TRPM8: variants seen among roughly 807,000 people sequenced by gnomAD.
TRPM8 encodes the protein transient receptor potential cation channel subfamily M member 8.
In TRPM8, 110 loss-of-function variants were observed where a neutral mutation model predicts 133.7. The ratio of observed to expected loss-of-function variants is 0.82; its 90% confidence interval spans 0.70 to 0.96. The LOEUF is 0.96. TRPM8 is among the 40% of genes least tolerant of loss of function. TRPM8 has a pLI of 0.00. For missense variants in TRPM8, 1,291 were observed against 1,379.5 expected (o/e 0.94, Z 1.02); for synonymous variants, 535 against 532.3 (o/e 1.01, Z -0.07).
At chr2:233,998,699 G>T (rs533353765) in intron 22 of TRPM8, among the ~76,000 whole-genome samples, 7 of 152,188 alleles carry the variant, frequency 4.6e-5, no homozygotes, top group Non-Finnish European at 5.9e-5. Flanking sequence ...CATCCAGTTA[G>T]GGTGAGCCGC....
intron 17 of TRPM8, among the ~76,000 whole-genome samples, chr2:233,971,324 A>C (rs562630996): frequency 6.6e-6 from 1 of 152,188 alleles, no homozygotes; most frequent in Non-Finnish European, 1.5e-5. Context: ...GTTTCATGCC[A>C]ACTCTGACAG....
chr2:233,945,810 T>G (rs1691026399), intron 6 of TRPM8, 46 bp from the exon 7 acceptor site: 1 of 1,537,118 alleles, frequency 6.5e-7, no homozygotes, highest in Non-Finnish European at 8.9e-7. Context: ...TCATGTATCT[T>G]GACTGATAAT....
intron 1 of TRPM8, among the ~76,000 whole-genome samples, chr2:233,925,708 T>C (rs1691500621): frequency 6.6e-6 from 1 of 152,018 alleles, no homozygotes; most frequent in African/African-American, 2.4e-5. Context: ...AGGAGGGGAC[T>C]CAGGGAGACA....
At chr2:233,964,180 T>A (rs144575516) in intron 13 of TRPM8, among the ~76,000 whole-genome samples, 2 of 152,292 alleles carry the variant, frequency 1.3e-5, no homozygotes, top group East Asian at 3.9e-4. Context: ...CCCATAAAAT[T>A]GATTCTACTA....
intron 19 of TRPM8, 59 bp downstream of exon 19, chr2:233,981,974 A>G (rs1692021205): frequency 6.6e-7 from 1 of 1,524,706 alleles, no homozygotes; most frequent in Non-Finnish European, 8.8e-7. Flanking sequence ...AGTTCTTTTA[A>G]TGGTCGATAG....
At chr2:233,970,968 T>G (rs1691699220) in intron 17 of TRPM8, among the ~76,000 whole-genome samples, 1 of 152,188 alleles carries the variant, frequency 6.6e-6, no homozygotes, top group Non-Finnish European at 1.5e-5. Flanking sequence ...AACCCAGAAG[T>G]CTAGCTCAGG....
intron 3 of TRPM8, chr2:233,933,680 A>G (rs1032089607): frequency 6.6e-6 from 1 of 152,524 alleles, no homozygotes; most frequent in Non-Finnish European, 1.5e-5. Flanking sequence ...CTTAGCAGGG[A>G]AAAGGGCCCA....
chr2:233,955,921 A>G (rs1691284173), intron 11 of TRPM8, among the ~76,000 whole-genome samples: 1 of 152,120 alleles, frequency 6.6e-6, no homozygotes, highest in Non-Finnish European at 1.5e-5. Context: ...TAGGAGCGTG[A>G]ACCCTGTTGT....
intron 11 of TRPM8, chr2:233,955,538 G>A (rs1242023931): frequency 4.3e-6 from 1 of 234,192 alleles, no homozygotes; most frequent in African/African-American, 2.3e-5. Context: ...TCTGGGTGTA[G>A]AGATGCAGAT....
In TRPM8 at chr2:233,996,614, G is replaced by A. The variant is rs1158699796; in HGVS notation, c.3130+98G>A. 3.6e-6 allele frequency: 4 copies of A among 1,118,770 alleles called. No individual in the cohort carries two copies. In the African/African-American group the frequency reaches 4.6e-5, roughly 13 times the overall value. 69.3% of individuals were successfully genotyped at this position (1,118,770 alleles called of 1,614,324 possible). On this transcript the variant is annotated intron_variant, in intron 22 of 25. Coordinates refer to ENST00000324695, the MANE Select transcript of TRPM8 (RefSeq NM_024080.5). ...TCTCAACAGGAAGGAATTATTCACA[G>A]ATCTTTCACTGTTCACATCTGTACA...
chr2:233,955,559 A>C, intron 11 of TRPM8: 1 of 215,262 alleles, frequency 4.6e-6, no homozygotes, highest in Non-Finnish European at 9.3e-6. Context: ...CTCCTTCTGG[A>C]TGTGTGTGGG....
chr2:233,967,692 G>C (rs1691609589), intron 15 of TRPM8, among the ~76,000 whole-genome samples: 1 of 152,200 alleles, frequency 6.6e-6, no homozygotes, highest in African/African-American at 2.4e-5. Flanking sequence ...GACTAAATGA[G>C]AGCATTGATC....
At position 233,970,306 on chromosome 2, in the gene TRPM8, C is replaced by T; in HGVS notation, c.2235C>T (p.Tyr745=). ...TCTTCTCCTGGAATGTGGTCTTCTA[C>T]ATCGCCTTCCTCCTGCTGTTTGCCT... The part of the protein sequence containing the change: ...FVVFSWNVVF[Y]IAFLLLFAYV... The change falls in exon 17 of 26, where the codon TAC becomes TAT. Residue 745 remains tyrosine (Y), a synonymous_variant. Coordinates refer to ENST00000324695, the MANE Select transcript of TRPM8 (RefSeq NM_024080.5). 1 of 1,614,228 alleles carries T rather than the reference C, an allele frequency of 6.2e-7. No individual in the cohort carries two copies. The highest frequency in any genetic ancestry group is 8.5e-7 in the Non-Finnish European group (1 of 1,180,040).
intron 12 of TRPM8, among the ~76,000 whole-genome samples, chr2:233,962,213 G>T (rs1340366279): frequency 6.6e-6 from 1 of 152,178 alleles, no homozygotes; most frequent in African/African-American, 2.4e-5. Flanking sequence ...CTCATTTTAA[G>T]TATAGGAAGG....
intron 8 of TRPM8, among the ~76,000 whole-genome samples, chr2:233,949,028 T>C (rs1216353443): frequency 6.6e-6 from 1 of 152,096 alleles, no homozygotes; most frequent in East Asian, 1.9e-4. Context: ...AGCAAGACTT[T>C]GTCTCAAAAA....
intron 13 of TRPM8, 77 bp from the exon 14 acceptor site, chr2:233,964,551 C>CAAAA (rs34817253): frequency 6.1e-4 from 349 of 571,508 alleles, no homozygotes; most frequent in Middle Eastern, 1.7e-3. Context: ...GACTCCGTCT[C>CAAAA]AAAAAAAAAA....
At chr2:233,971,250 A>T (rs532377761) in intron 17 of TRPM8, among the ~76,000 whole-genome samples, 10 of 152,200 alleles carry the variant, frequency 6.6e-5, no homozygotes, top group Non-Finnish European at 1.5e-4. Flanking sequence ...TGGAGGGGGC[A>T]AAGAGTGCTG....
At chr2:233,926,023 T>A (rs1465524740) in intron 1 of TRPM8, among the ~76,000 whole-genome samples, 1 of 152,164 alleles carries the variant, frequency 6.6e-6, no homozygotes, top group Non-Finnish European at 1.5e-5. Flanking sequence ...TGGGACAGAC[T>A]GACCCCCAAG....
intron 6 of TRPM8, 97 bp downstream of exon 6, chr2:233,942,845 G>C: frequency 2.1e-6 from 3 of 1,438,936 alleles, no homozygotes; most frequent in Non-Finnish European, 2.9e-6. Flanking sequence ...GATGGAGCCA[G>C]CCAGATCATG....
Sources: allele counts gnomAD v4.1 joint callset (sites outside exome capture counted in the v4.1 genomes callset), GRCh38; gene constraint gnomAD v4.1.1; transcripts MANE v1.5; gene names NCBI Gene and HGNC (gene_info 2026-07-23, HGNC 2026-07-21).